The following CNTLN variants were observed in gnomAD, a reference collection of about 807,000 sequenced individuals.
CNTLN encodes the protein centlein, centrosomal protein.
CNTLN carries 212 observed loss-of-function variants against 180.0 expected under a neutral mutation model. The ratio of observed to expected loss-of-function variants is 1.18; its 90% CI spans 1.05 to 1.32. The LOEUF (loss-of-function observed/expected upper bound fraction) is 1.32, where lower values mean the gene tolerates loss of function less well. Ranked by LOEUF, CNTLN falls within the 40% of genes most tolerant of loss-of-function variation. CNTLN has a pLI of 0.00. For missense variants in CNTLN, 2,095 were observed against 1,610.9 expected (o/e 1.30, Z -5.14); for synonymous variants, 722 against 563.1 (o/e 1.28, Z -3.99).
At chr9:17,166,212 A>G (rs761299678) in intron 2 of CNTLN, among the ~76,000 whole-genome samples, 34 of 152,148 alleles carry the variant, frequency 2.2e-4, no homozygotes, top group Admixed American at 7.9e-4. Context: ...GTGACAAAAA[A>G]AGAGAAAGAG....
At position 17,233,510 on chromosome 9, in the gene CNTLN, C is replaced by G. The variant is rs543046232; in HGVS notation, c.535-2148C>G. Among the ~76,000 whole-genome samples the G allele has an allele frequency of 2.9e-4, 44 of 152,154 alleles. 1 individual carries two copies. The highest frequency in any genetic ancestry group is 1.0e-3 in the African/African-American group (43 of 41,532). Reference sequence around the variant, plus strand: ...TATTGTAACTAAATCGATTTAATGACCCATTACTAGATTGCAGTCTGCAGT... The same window carrying G: ...TATTGTAACTAAATCGATTTAATGAGCCATTACTAGATTGCAGTCTGCAGT... On this transcript the variant is annotated intron_variant, in intron 3 of 25. Coordinates refer to ENST00000380647, the MANE Select transcript of CNTLN (RefSeq NM_017738.4).
rs918454336 is a variant in CNTLN, at chr9:17,406,640, C to T, written c.2616-2653C>T. Among the ~76,000 whole-genome samples, 39 of 151,684 alleles carry T rather than the reference C, an allele frequency of 2.6e-4. 2 individuals are homozygous for T. Among genetic ancestry groups the T allele is most frequent in the African/African-American group, 9.3e-4 (38 of 41,078 alleles). On this transcript the variant is annotated intron_variant, in intron 15 of 25. Coordinates refer to ENST00000380647, the MANE Select transcript of CNTLN (RefSeq NM_017738.4). Reference sequence around the variant, plus strand: ...GTGGTCCTTAATAATTTATAACATACTATATCATATTTCAGATTTATTGTG... The same window carrying T: ...GTGGTCCTTAATAATTTATAACATATTATATCATATTTCAGATTTATTGTG...
chr9:17,189,587 G>T (rs1008255342), intron 2 of CNTLN, among the ~76,000 whole-genome samples: 3 of 151,400 alleles, frequency 2.0e-5, no homozygotes, highest in Non-Finnish European at 1.5e-5. Context: ...AGGTTCAAGC[G>T]ATTCTCCTGT....
At chr9:17,397,550 C>T (rs766858316) in intron 15 of CNTLN, among the ~76,000 whole-genome samples, 10 of 152,054 alleles carry the variant, frequency 6.6e-5, no homozygotes, top group Non-Finnish European at 1.5e-4. Context: ...GATGGGTTTT[C>T]ACCGGCTTCT....
intron 7 of CNTLN, among the ~76,000 whole-genome samples, chr9:17,308,673 A>G (rs1325918642): frequency 1.3e-5 from 2 of 151,800 alleles, no homozygotes; most frequent in Non-Finnish European, 2.9e-5. Context: ...GGTCAATTCC[A>G]ATTATATTGT....
intron 1 of CNTLN, among the ~76,000 whole-genome samples, chr9:17,137,506 A>G (rs1817800612): frequency 6.6e-6 from 1 of 152,222 alleles, no homozygotes. Context: ...TTGTATCTCA[A>G]TCTAGTAAGT....
intron 13 of CNTLN, among the ~76,000 whole-genome samples, chr9:17,368,902 A>G (rs4961552): frequency 0.56 from 85,454 of 151,960 alleles, 24,654 homozygotes; most frequent in East Asian, 0.73. Flanking sequence ...CTTTGTACCC[A>G]TCTTCTCAAG....
At chr9:17,303,949 G>A (rs527311490) in intron 7 of CNTLN, among the ~76,000 whole-genome samples, 1 of 152,206 alleles carries the variant, frequency 6.6e-6, no homozygotes, top group African/African-American at 2.4e-5. Flanking sequence ...TTAGTTTACT[G>A]TTTCTAATGA....
intron 12 of CNTLN, among the ~76,000 whole-genome samples, chr9:17,347,641 C>A (rs1554695044): frequency 6.9e-6 from 1 of 144,378 alleles, no homozygotes; most frequent in Non-Finnish European, 1.5e-5. Flanking sequence ...TGCACTCCAA[C>A]CTGGGTCTGG....
intron 13 of CNTLN, among the ~76,000 whole-genome samples, chr9:17,386,596 A>G (rs1825701572): frequency 1.3e-5 from 2 of 152,314 alleles, no homozygotes; most frequent in Admixed American, 1.3e-4. Flanking sequence ...GCATGAGCTT[A>G]TCTTCTTGAG....
At chr9:17,179,713 A>T (rs1184087767) in intron 2 of CNTLN, among the ~76,000 whole-genome samples, 1 of 152,124 alleles carries the variant, frequency 6.6e-6, no homozygotes, top group Admixed American at 6.5e-5. Context: ...GCTCTTCTGT[A>T]CCTTTGATAA....
intron 12 of CNTLN, among the ~76,000 whole-genome samples, chr9:17,359,748 A>AAAAAAAAAAAAAAAAAAAC (rs1319122261): frequency 7.4e-6 from 1 of 134,752 alleles, no homozygotes; most frequent in African/African-American, 2.7e-5. Context: ...AAAAAAAAAA[A>AAAAAAAAAAAAAAAAAAAC]AACTAGCTGG....
intron 25 of CNTLN, 199 bp downstream of exon 25, chr9:17,487,265 G>C: frequency 1.8e-6 from 1 of 562,240 alleles, no homozygotes; most frequent in Non-Finnish European, 3.2e-6. Flanking sequence ...AATACCTTGG[G>C]ATAGAGCCAA....
intron 5 of CNTLN, among the ~76,000 whole-genome samples, chr9:17,267,200 T>C (rs1390313061): frequency 2.6e-5 from 4 of 152,156 alleles, no homozygotes; most frequent in South Asian, 2.1e-4. Context: ...CCATGTTTAG[T>C]GCTTCCTTCA....
At chr9:17,367,019 A>G (rs962524802) in intron 13 of CNTLN, among the ~76,000 whole-genome samples, 1 of 152,200 alleles carries the variant, frequency 6.6e-6, no homozygotes, top group African/African-American at 2.4e-5. Flanking sequence ...AAAAACACCT[A>G]CATAAGAATC....
At chr9:17,355,545 G>A (rs115484862) in intron 12 of CNTLN, among the ~76,000 whole-genome samples, 2,136 of 152,180 alleles carry the variant, frequency 0.014, 52 homozygotes, top group African/African-American at 0.049. Context: ...ATGTTTTTCT[G>A]TAGTTGTTTA....
chr9:17,490,249 G>A (rs958562289), intron 25 of CNTLN, among the ~76,000 whole-genome samples: 25 of 152,214 alleles, frequency 1.6e-4, no homozygotes, highest in African/African-American at 6.0e-4. Flanking sequence ...GTAAGGGGCA[G>A]TGAGAGTCTG....
intron 15 of CNTLN, among the ~76,000 whole-genome samples, chr9:17,407,134 T>C (rs1322969999): frequency 6.6e-6 from 1 of 152,204 alleles, no homozygotes; most frequent in Non-Finnish European, 1.5e-5. Flanking sequence ...ATTTGATCAA[T>C]TGCTGTTGGT....
chr9:17,494,614 A>G (rs545867019), intron 25 of CNTLN, among the ~76,000 whole-genome samples: 2 of 152,218 alleles, frequency 1.3e-5, no homozygotes, highest in Non-Finnish European at 2.9e-5. Flanking sequence ...ATAAGTGAGA[A>G]TAGGCAATAT....
Sources: gnomAD v4.1 joint callset for allele counts (sites outside exome capture counted in the v4.1 genomes callset) on GRCh38, gnomAD v4.1.1 for gene constraint, MANE v1.5 for transcripts, NCBI Gene and HGNC (gene_info 2026-07-23, HGNC 2026-07-21) for gene names.